Variants in UNC80 observed in about 807,000 individuals in gnomAD.
The protein encoded by UNC80 is unc-80 subunit of NALCN channel complex, also known as protein unc-80 homolog.
In UNC80, 164 loss-of-function variants were observed where a neutral mutation model predicts 384.6. That is an observed-to-expected ratio of 0.43 (90% CI 0.38 to 0.49). UNC80 has a LOEUF of 0.49. Ranked by LOEUF, UNC80 falls within the 20% of genes least tolerant of loss-of-function variation. The probability of loss-of-function intolerance (pLI) is 0.00; values close to 1 mark genes in which losing one functional copy is unlikely to be tolerated. For synonymous variants in UNC80, 1,486 were observed against 1,527.8 expected (o/e 0.97, Z 0.64); for missense variants, 3,330 against 4,143.0 (o/e 0.80, Z 5.39).
intron 17 of UNC80, 32 bp downstream of exon 17, chr2:209,834,200 T>A (rs778996412): frequency 3.2e-6 from 5 of 1,548,420 alleles, no homozygotes; most frequent in Non-Finnish European, 4.4e-6. Context: ...AATATTACTG[T>A]TTGCCTTAAG....
chr2:209,844,069 A>G (rs922289642), intron 21 of UNC80, among the ~76,000 whole-genome samples: 2 of 152,146 alleles, frequency 1.3e-5, no homozygotes, highest in East Asian at 3.9e-4. Context: ...TCTTCCTAAT[A>G]ACCAGGACAT....
At chr2:209,874,903 A>G (rs1385931654) in intron 23 of UNC80, among the ~76,000 whole-genome samples, 3 of 152,112 alleles carry the variant, frequency 2.0e-5, no homozygotes, top group African/African-American at 7.2e-5. Flanking sequence ...TGAGCTTTCT[A>G]TTCTTATTGA....
At chr2:209,825,751 C>T (rs921582769) in intron 13 of UNC80, among the ~76,000 whole-genome samples, 156 bp from the exon 14 acceptor site, 7 of 152,084 alleles carry the variant, frequency 4.6e-5, no homozygotes, top group East Asian at 1.9e-4. Context: ...GAAAACTGAG[C>T]GTGTTTGTTG....
chr2:209,817,188 G>A, intron 10 of UNC80, 63 bp downstream of exon 10: 1 of 1,444,292 alleles, frequency 6.9e-7, no homozygotes, highest in Middle Eastern at 2.4e-4. Context: ...CTGGATCTAG[G>A]GCTTCTGGGC....
At chr2:209,814,637 T>C (rs943739931) in intron 8 of UNC80, among the ~76,000 whole-genome samples, 2 of 152,200 alleles carry the variant, frequency 1.3e-5, no homozygotes, top group Non-Finnish European at 2.9e-5. Context: ...GTAAACTGAA[T>C]GTGTACTGAT....
At chr2:209,843,267 A>G (rs1333134223) in intron 21 of UNC80, among the ~76,000 whole-genome samples, 4 of 152,214 alleles carry the variant, frequency 2.6e-5, no homozygotes, top group African/African-American at 9.6e-5. Flanking sequence ...ATTAAGCTTG[A>G]GGACTACATG....
At position 209,976,291 on chromosome 2, in the gene UNC80, C is replaced by T; in HGVS notation, c.8760C>T (p.Phe2920=). 2 of 1,551,800 alleles carry T rather than the reference C, an allele frequency of 1.3e-6. No homozygotes were observed. Among genetic ancestry groups the T allele is most frequent in the Non-Finnish European group, 1.7e-6 (2 of 1,147,030 alleles). ...CCATCTTTGTGCTTTTGCGCCCTTT[C>T]ATCCAGTGCAAGGTGTGGTGTGTGC... is the stretch of plus-strand genomic sequence containing the variant. ...RIPIFVLLRP[F]IQCKLLAQPA... The change falls in exon 57 of 65, where the codon TTC becomes TTT. Residue 2920 remains phenylalanine, a synonymous_variant. Coordinates refer to ENST00000673920, the MANE Select transcript of UNC80 (RefSeq NM_001371986.1). The surrounding 1 kb of genome is among the most constrained non-coding windows in gnomAD (Gnocchi z 4.3).
chr2:209,866,591 G>A (rs1252228322), intron 22 of UNC80, among the ~76,000 whole-genome samples: 2 of 148,258 alleles, frequency 1.3e-5, no homozygotes, highest in Non-Finnish European at 3.0e-5. Context: ...ATAGTCAATA[G>A]TATTGCAGTT....
chr2:209,891,253 T>C (rs1414165709), intron 26 of UNC80, among the ~76,000 whole-genome samples: 5 of 152,154 alleles, frequency 3.3e-5, no homozygotes, highest in Non-Finnish European at 7.4e-5. Flanking sequence ...TCATATTCTA[T>C]TGAATTTATG....
intron 45 of UNC80, among the ~76,000 whole-genome samples, chr2:209,943,976 G>A (rs2091783189): frequency 1.3e-5 from 2 of 152,136 alleles, no homozygotes; most frequent in South Asian, 4.1e-4. Flanking sequence ...TAGACAATGG[G>A]TTGGTTTCCT....
intron 21 of UNC80, among the ~76,000 whole-genome samples, chr2:209,842,696 C>G (rs1027150999): frequency 6.6e-6 from 1 of 152,204 alleles, no homozygotes; most frequent in African/African-American, 2.4e-5. Flanking sequence ...GCCTCTTCTG[C>G]TGTTCTATCC....
chr2:209,959,000 G>A (rs2092505564), intron 49 of UNC80, 119 bp from the exon 50 acceptor site: 2 of 786,964 alleles, frequency 2.5e-6, no homozygotes, highest in East Asian at 2.7e-5. Flanking sequence ...ATGTATATTT[G>A]TGAGCTTATC....
At chr2:209,864,879 C>T (rs905515067) in intron 22 of UNC80, among the ~76,000 whole-genome samples, 1 of 152,212 alleles carries the variant, frequency 6.6e-6, no homozygotes, top group Non-Finnish European at 1.5e-5. Flanking sequence ...GGTCGCTTCT[C>T]CCACCGGGAG....
intron 1 of UNC80, 88 bp from the exon 2 acceptor site, chr2:209,773,006 G>T (rs2076668138): frequency 1.9e-6 from 2 of 1,077,008 alleles, no homozygotes; most frequent in East Asian, 5.2e-5. Flanking sequence ...ATAGCATCCT[G>T]TCTTATTCAT....
At chr2:209,892,371 A>G (rs888549719) in intron 26 of UNC80, among the ~76,000 whole-genome samples, 5 of 152,156 alleles carry the variant, frequency 3.3e-5, no homozygotes, top group African/African-American at 1.2e-4. Flanking sequence ...CATGGAGATA[A>G]AGGCTAAAAT....
intron 6 of UNC80, among the ~76,000 whole-genome samples, chr2:209,789,875 C>G (rs550859721): frequency 8.6e-5 from 13 of 151,960 alleles, no homozygotes; most frequent in African/African-American, 3.1e-4. Context: ...TGTGCTTTAT[C>G]TCAATGGCTA....
At chr2:209,851,781 G>C (rs1272660767) in intron 22 of UNC80, among the ~76,000 whole-genome samples, 4 of 151,992 alleles carry the variant, frequency 2.6e-5, no homozygotes, top group African/African-American at 9.7e-5. Flanking sequence ...TAATAGGCAG[G>C]ACTACAAAGT....
rs369237766 is a variant in UNC80 at position 209,837,832 on chromosome 2, C to G, written c.3042-1390C>G. Among the ~76,000 whole-genome samples, 3 of 149,984 alleles carry G rather than the reference C, an allele frequency of 2.0e-5. No individual in the cohort carries two copies. In the South Asian group the frequency reaches 6.3e-4, roughly 32 times the overall value. ...TTTCGCCCAGGCCAGAGTGCAGTGG[C>G]GCTATCTCGGCTCACTGCAAGCTCC... On this transcript the variant is annotated intron_variant, in intron 18 of 64. Transcript: ENST00000673920.
At chr2:209,788,708 TTTAAGC>T (rs2077611610) in intron 5 of UNC80, among the ~76,000 whole-genome samples, 1 of 150,826 alleles carries the variant, frequency 6.6e-6, no homozygotes, top group Non-Finnish European at 1.5e-5. Flanking sequence ...ATGTATTTGT[TTTAAGC>T]TAAGCCTATT....
Sources: allele counts gnomAD v4.1 joint callset (sites outside exome capture counted in the v4.1 genomes callset), GRCh38; gene constraint gnomAD v4.1.1; non-coding constraint Gnocchi (gnomAD v3.1); transcripts MANE v1.5; gene names NCBI Gene and HGNC (gene_info 2026-07-23, HGNC 2026-07-21).